TRPV2: variants seen among roughly 807,000 people sequenced by gnomAD.
TRPV2 encodes the protein transient receptor potential cation channel subfamily V member 2.
A neutral mutation model predicts 91.0 loss-of-function variants in TRPV2; 58 were observed. That is an observed-to-expected ratio of 0.64 (90% confidence interval 0.52 to 0.79). The LOEUF is 0.79. Among genes scored for constraint, TRPV2 ranks in the 30% least tolerant of loss-of-function variants. TRPV2 has a pLI of 0.00. For missense variants in TRPV2, 807 were observed against 969.6 expected (o/e 0.83, Z 2.23); for synonymous variants, 417 against 414.8 (o/e 1.01, Z -0.06).
At chr17:16,428,535 G>C (rs1460690666) in intron 9 of TRPV2, 148 bp downstream of exon 9, 2 of 911,862 alleles carry the variant, frequency 2.2e-6, no homozygotes, top group Non-Finnish European at 3.5e-6. Flanking sequence ...CAGGAGTCTG[G>C]GCTGCCGTCC....
Position 16,435,071 on chromosome 17 carries a change from A to C in TRPV2, c.2194+102A>C. 1 of 915,630 alleles carries C rather than the reference A, an allele frequency of 1.1e-6. No homozygotes were observed. 56.7% of individuals were successfully genotyped at this position (915,630 alleles called of 1,614,324 possible). A position where few individuals can be genotyped will look rare whatever the true frequency, so the allele number is the denominator to read the frequency against. On this transcript the variant is annotated intron_variant, in intron 14 of 14. Transcript: ENST00000338560. The surrounding 1 kb of genome is among the most constrained non-coding windows in gnomAD (Gnocchi z 4.2). ...TGGGGCAGGACCCAGAGACCTCCTC[A>C]TAGTCCCTTTGCAGATCCCCACATG...
Position 16,426,268 on chromosome 17 carries a change from C to T in TRPV2, c.1094C>T (p.Pro365Leu), listed in dbSNP as rs769457475. The T allele has an allele frequency of 4.3e-6, 7 of 1,613,884 alleles. No individual in the cohort carries two copies. The highest frequency in any genetic ancestry group is 2.2e-5 in the East Asian group (1 of 44,880). The change falls in exon 6 of 15, where the codon CCG becomes CTG. Residue 365 changes from proline (P) to leucine (L), a missense_variant and splice_region_variant. By Grantham distance (98) the Pro-to-Leu change is moderately conservative. Coordinates refer to ENST00000338560, the MANE Select transcript of TRPV2 (RefSeq NM_016113.5). This position sits in a 1 kb window ranked among gnomAD's most constrained non-coding sequence, Gnocchi z 6.0. ...ATCATTGCCTTTCATTGCAAGAGCC[C>T]GGTGAGCCCACAGGAGCATGGGTGC... ...LEIIAFHCKS[P>L]HRHRMVVLEP... is the part of the protein sequence containing the mutation.
At chr17:16,434,037 G>T (rs1465278276) in intron 13 of TRPV2, among the ~76,000 whole-genome samples, 1 of 152,164 alleles carries the variant, frequency 6.6e-6, no homozygotes, top group African/African-American at 2.4e-5. Flanking sequence ...TGCCCTGGCT[G>T]CTCTGTGTCC....
At chr17:16,429,330 C>T (rs757835099) in intron 10 of TRPV2, among the ~76,000 whole-genome samples, 3 of 152,284 alleles carry the variant, frequency 2.0e-5, no homozygotes, top group Admixed American at 1.3e-4. Flanking sequence ...ATGTATTCAG[C>T]GCATGTTTAG....
At chr17:16,433,798 T>C (rs2093423888) in intron 13 of TRPV2, 100 bp downstream of exon 13, 3 of 1,518,132 alleles carry the variant, frequency 2.0e-6, no homozygotes, top group Non-Finnish European at 2.7e-6. Context: ...CCAGGTCTGG[T>C]GGGAAGGGCA....
chr17:16,434,710 A>T (rs1056506576), intron 13 of TRPV2, 180 bp from the exon 14 acceptor site: 1 of 549,062 alleles, frequency 1.8e-6, no homozygotes, highest in Non-Finnish European at 3.2e-6. Flanking sequence ...GCCTCACAGG[A>T]CAGGGCTCCA....
chr17:16,426,817 T>G lies in TRPV2; in HGVS notation c.1191T>G (p.Cys397Trp). Residue 397 changes from cysteine to tryptophan, a missense_variant, in exon 7 of 15, where the codon TGT (cysteine) becomes TGG (tryptophan). Cys to Trp is a radical substitution (Grantham distance 215, BLOSUM62 -2). Coordinates refer to ENST00000338560, the MANE Select transcript of TRPV2 (RefSeq NM_016113.5). The surrounding 1 kb of genome is among the most constrained non-coding windows in gnomAD (Gnocchi z 6.0). ...LIPKFFLNFL[C>W]NLIYMFIFTA... ...CCAAGTTCTTCTTAAACTTCCTGTG[T>G]AATCTGATCTACATGTTCATCTTCA... is the stretch of plus-strand genomic sequence containing the variant. 6.2e-7 allele frequency: 1 copy of G among 1,614,046 alleles called. No homozygotes were observed. The highest frequency in any genetic ancestry group is 8.5e-7 in the Non-Finnish European group (1 of 1,179,996).
chr17:16,420,038 G>T (rs2093348909), intron 2 of TRPV2, 77 bp from the exon 3 acceptor site: 2 of 1,566,252 alleles, frequency 1.3e-6, no homozygotes, highest in Non-Finnish European at 1.7e-6. Context: ...TCCCTGAAAG[G>T]GCTCCCTGGG....
intron 5 of TRPV2, among the ~76,000 whole-genome samples, chr17:16,425,514 C>G (rs150706377): frequency 2.0e-5 from 3 of 152,172 alleles, no homozygotes; most frequent in African/African-American, 7.2e-5. Context: ...ATTAAGGAAA[C>G]GATAAACATA....
Position 16,426,945 on chromosome 17 carries a change from T to C in TRPV2, c.1251+68T>C. 5 of 1,554,680 alleles carry C rather than the reference T, an allele frequency of 3.2e-6. No individual in the cohort carries two copies. Among genetic ancestry groups the C allele is most frequent in the Non-Finnish European group, 4.3e-6 (5 of 1,149,652 alleles). ...TGCTTGAAACAACCCTGGGGGAAGA[T>C]GGGGCAGTAATAGTGCTGAGGCATG... On this transcript the variant is annotated intron_variant, in intron 7 of 14. Transcript: ENST00000338560. This position sits in a 1 kb window ranked among gnomAD's most constrained non-coding sequence, Gnocchi z 6.0.
chr17:16,428,448 T>C (rs369561332), intron 9 of TRPV2, 61 bp downstream of exon 9: 7 of 1,563,932 alleles, frequency 4.5e-6, no homozygotes, highest in Non-Finnish European at 6.2e-6. Context: ...GGGGCAGTTG[T>C]GGCAGAAGGC....
intron 10 of TRPV2, among the ~76,000 whole-genome samples, chr17:16,431,320 G>T (rs2093411812): frequency 9.0e-6 from 1 of 111,102 alleles, no homozygotes; most frequent in Admixed American, 1.2e-4. Context: ...TTGAGACGAA[G>T]TCTCACTCTG....
chr17:16,426,191 G>T lies in TRPV2; in HGVS notation c.1017G>T (p.Ser339=). The T allele has an allele frequency of 1.9e-6, 3 of 1,614,192 alleles. No homozygotes were observed. Among genetic ancestry groups the T allele is most frequent in the Non-Finnish European group, 2.5e-6 (3 of 1,180,038 alleles). Residue 339 remains serine (S), a synonymous_variant, in exon 6 of 15, where the codon TCG becomes TCT. Coordinates refer to ENST00000338560, the MANE Select transcript of TRPV2 (RefSeq NM_016113.5). This position sits in a 1 kb window ranked among gnomAD's most constrained non-coding sequence, Gnocchi z 6.0. ...GGTGCTATGGGCCTGTCCGGGTGTCGCTGTATGACCTGGCTTCTGTGGACA... is the reference window on the plus strand; with the variant it reads ...GGTGCTATGGGCCTGTCCGGGTGTCTCTGTATGACCTGGCTTCTGTGGACA... ...TEWCYGPVRV[S]LYDLASVDSC...
intron 10 of TRPV2, among the ~76,000 whole-genome samples, chr17:16,431,291 A>ATATATATATATTTT (rs1333090555): frequency 1.5e-5 from 1 of 67,392 alleles, no homozygotes; most frequent in Non-Finnish European, 2.6e-5. Flanking sequence ...ATATATACAT[A>ATATATATATATTTT]TTTTTTTTTT....
At position 16,426,968 on chromosome 17, in the gene TRPV2, A is replaced by G. The variant is rs2093386445; in HGVS notation, c.1251+91A>G. On this transcript the variant is annotated intron_variant, in intron 7 of 14. Coordinates refer to ENST00000338560, the MANE Select transcript of TRPV2 (RefSeq NM_016113.5). This position sits in a 1 kb window ranked among gnomAD's most constrained non-coding sequence, Gnocchi z 6.0. ...GATGGGGCAGTAATAGTGCTGAGGC[A>G]TGGGCTGCTGGAGTGACATTCCCAA... 2.1e-6 allele frequency: 3 copies of G among 1,437,038 alleles called. No homozygotes were observed. The highest frequency in any genetic ancestry group is 2.8e-5 in the African/African-American group (2 of 71,294). 89.0% of individuals were successfully genotyped at this position (1,437,038 alleles called of 1,614,324 possible). A position where few individuals can be genotyped will look rare whatever the true frequency, so the allele number is the denominator to read the frequency against.
At chr17:16,422,322 C>CAAAAAAAAAAA (rs5819570) in intron 3 of TRPV2, among the ~76,000 whole-genome samples, 2 of 92,760 alleles carry the variant, frequency 2.2e-5, no homozygotes, top group African/African-American at 8.0e-5. Flanking sequence ...GACTCTGTCT[C>CAAAAAAAAAAA]AAAAAAAAAA....
chr17:16,434,948 C>A lies in TRPV2; in HGVS notation c.2173C>A (p.Pro725Thr), dbSNP rs749748751. 1 of 1,610,576 alleles carries A rather than the reference C, an allele frequency of 6.2e-7. No homozygotes were observed. The highest frequency in any genetic ancestry group is 1.7e-5 in the Admixed American group (1 of 59,582). The change falls in exon 14 of 15, where the codon CCG (proline) becomes ACG (threonine). Residue 725 changes from proline (P) to threonine (T), a missense_variant. By Grantham distance (38) the Pro-to-Thr change is conservative. Transcript: ENST00000338560. ...EQTLPTLCED[P>T]SGAGVPRTLE... ...GACGCTGCCTACGCTGTGTGAGGAC[C>A]CGTCAGGGGCAGGTGTCCCTCGTGA...
rs189607687 is a variant in TRPV2 at position 16,427,522 on chromosome 17, G to T, written c.1325G>T (p.Gly442Val). 1.2e-5 allele frequency: 19 copies of T among 1,613,138 alleles called. No homozygotes were observed. The Admixed American group carries it at 1.7e-4, about 14-fold the overall frequency. Reference protein sequence around the residue: ...LLTGHILILLGGIYLLVGQLW... With the variant: ...LLTGHILILLVGIYLLVGQLW... ...ACGGGCCACATCCTTATCCTGCTAG[G>T]GGGGATCTACCTCCTCGTGGGCCAG... The change falls in exon 8 of 15, where the codon GGG becomes GTG. Residue 442 changes from glycine (G) to valine (V), a missense_variant. Transcript: ENST00000338560.
intron 5 of TRPV2, among the ~76,000 whole-genome samples, chr17:16,424,174 T>C (rs949619844): frequency 6.7e-6 from 1 of 150,294 alleles, no homozygotes; most frequent in Non-Finnish European, 1.5e-5. Flanking sequence ...TTTTTTTTTT[T>C]TGAGACGGAC....
Sources: gnomAD v4.1 joint callset for allele counts (sites outside exome capture counted in the v4.1 genomes callset) on GRCh38, gnomAD v4.1.1 for gene constraint, Gnocchi (gnomAD v3.1) non-coding constraint, MANE v1.5 for transcripts, NCBI Gene and HGNC (gene_info 2026-07-23, HGNC 2026-07-21) for gene names.